The following FLI1 variants were observed in gnomAD, a reference collection of about 807,000 sequenced individuals.
FLI1 encodes Fli-1 proto-oncogene, ETS transcription factor, also known as Friend leukemia integration 1 transcription factor.
FLI1 carries 13 observed loss-of-function variants against 53.1 expected under a neutral mutation model. That is an observed-to-expected ratio of 0.24 (90% CI 0.16 to 0.39). FLI1 has a LOEUF of 0.39. FLI1 is among the 10% of genes least tolerant of loss of function. The pLI is 1.00. For synonymous variants in FLI1, 244 were observed against 236.7 expected, an observed-to-expected ratio of 1.03 and a Z score of -0.28; for missense variants, 424 against 600.5, an observed-to-expected ratio of 0.71 and a Z score of 3.07.
chr11:128,695,573 G>GT (rs896221113), intron 1 of FLI1, among the ~76,000 whole-genome samples: 12 of 152,026 alleles, frequency 7.9e-5, no homozygotes, highest in South Asian at 2.1e-4. Context: ...TATTTTCTAA[G>GT]TTTTTTTTAT....
chr11:128,811,150 A>C lies in FLI1; in HGVS notation c.*162A>C. The C allele has an allele frequency of 1.5e-6, 1 of 682,840 alleles. No homozygotes were observed. The highest frequency in any genetic ancestry group is 2.4e-6 in the Non-Finnish European group (1 of 411,274). 42.3% of individuals were successfully genotyped at this position (682,840 alleles called of 1,614,324 possible). On this transcript the variant is annotated 3_prime_UTR_variant, in exon 9 of 9. Transcript: ENST00000527786. Reference sequence around the variant, plus strand: ...TTTGTTCTTTAAAAACATTTTTTTTAATGTTGGTAACTTTTGCTTCCTCTA... The same window carrying C: ...TTTGTTCTTTAAAAACATTTTTTTTCATGTTGGTAACTTTTGCTTCCTCTA...
Position 128,810,333 on chromosome 11 carries a change from C to T in FLI1, c.830-126C>T, listed in dbSNP as rs1942904980. ...CATAAGAAGGGCTTGTCAAGTCGAT[C>T]CCAATGTCGAAGGAAACAAAAGGTT... On this transcript the variant is annotated intron_variant, in intron 8 of 8. Transcript: ENST00000527786. The surrounding 1 kb of genome is among the most constrained non-coding windows in gnomAD (Gnocchi z 6.6). The T allele has an allele frequency of 2.1e-6, 2 of 933,400 alleles. No homozygotes were observed. The highest frequency in any genetic ancestry group is 5.8e-5 in the Admixed American group (2 of 34,426). 57.8% of individuals were successfully genotyped at this position (933,400 alleles called of 1,614,324 possible). A position where few individuals can be genotyped will look rare whatever the true frequency, so the allele number is the denominator to read the frequency against.
Position 128,722,730 on chromosome 11 carries a change from C to G in FLI1, c.18+28454C>G, listed in dbSNP as rs1939304701. On this transcript the variant is annotated intron_variant, in intron 1 of 8. Transcript: ENST00000527786. ...GAGCTACTCAGATGAGGTAAAGTCC[C>G]TTTGGGAAAGCACAGAGCCTGGGGA... Among the ~76,000 whole-genome samples the G allele has an allele frequency of 2.6e-5, 4 of 152,278 alleles. 1 individual carries two copies. The highest frequency in any genetic ancestry group is 2.6e-4 in the Admixed American group (4 of 15,298).
chr11:128,688,105 AG>A (rs1937611347), intron 1 of FLI1, among the ~76,000 whole-genome samples: 1 of 152,106 alleles, frequency 6.6e-6, no homozygotes, highest in Admixed American at 6.5e-5. Flanking sequence ...CTCTGCACTG[AG>A]GATTGTAAAT....
chr11:128,773,830 A>C (rs1436354130), intron 4 of FLI1, among the ~76,000 whole-genome samples: 1 of 151,784 alleles, frequency 6.6e-6, no homozygotes, highest in Non-Finnish European at 1.5e-5. Flanking sequence ...GCCTGAAAAG[A>C]TGGTGCTAGG....
chr11:128,726,115 G>A (rs958466056), intron 1 of FLI1, among the ~76,000 whole-genome samples: 2 of 152,088 alleles, frequency 1.3e-5, no homozygotes, highest in Non-Finnish European at 2.9e-5. Flanking sequence ...CAGAACCCCC[G>A]AGGTCCGGTC....
At chr11:128,735,139 A>G (rs973993042) in intron 1 of FLI1, among the ~76,000 whole-genome samples, 3 of 152,252 alleles carry the variant, frequency 2.0e-5, no homozygotes, top group Non-Finnish European at 4.4e-5. Flanking sequence ...TAATTAAATA[A>G]GATTATAGAT....
chr11:128,739,370 G>A (rs933298702), intron 1 of FLI1, among the ~76,000 whole-genome samples: 1 of 152,180 alleles, frequency 6.6e-6, no homozygotes, highest in African/African-American at 2.4e-5. Flanking sequence ...GAGAAAGTAG[G>A]TAGAGAGGGA....
chr11:128,689,473 C>G (rs1937652586), upstream of FLI1, among the ~76,000 whole-genome samples: 1 of 152,166 alleles, frequency 6.6e-6, no homozygotes, highest in South Asian at 2.1e-4. Context: ...AGGCTGCATT[C>G]TGAGGGAGAT....
intron 1 of FLI1, among the ~76,000 whole-genome samples, chr11:128,754,093 A>G (rs973266964): frequency 6.6e-6 from 1 of 152,070 alleles, no homozygotes; most frequent in African/African-American, 2.4e-5. Flanking sequence ...TGGCTTTTCA[A>G]ATTCAGCCCA....
At chr11:128,787,454 T>C (rs1322855940) in intron 5 of FLI1, among the ~76,000 whole-genome samples, 1 of 152,188 alleles carries the variant, frequency 6.6e-6, no homozygotes, top group Non-Finnish European at 1.5e-5. Flanking sequence ...TCAGCATACT[T>C]GATTCAAGCA....
intron 1 of FLI1, among the ~76,000 whole-genome samples, chr11:128,746,658 A>G (rs1490830309): frequency 1.3e-5 from 2 of 152,168 alleles, no homozygotes; most frequent in African/African-American, 4.8e-5. Flanking sequence ...CCTGGCTCCC[A>G]GGCTACTATT....
In FLI1 at chr11:128,730,486, G is replaced by A. The variant is rs190179562; in HGVS notation, c.19-27629G>A. Among the ~76,000 whole-genome samples the A allele has an allele frequency of 4.1e-3, 631 of 152,304 alleles. 2 individuals carry two copies. Among genetic ancestry groups the A allele is most frequent in the African/African-American group, 0.014 (597 of 41,552 alleles). ...AACATGCATTCTATTCTAGAATGCT[G>A]ATAAATACACTGGCAGTCCCAGAAA... On this transcript the variant is annotated intron_variant, in intron 1 of 8. Coordinates refer to ENST00000527786, the MANE Select transcript of FLI1 (RefSeq NM_002017.5).
Position 128,810,900 on chromosome 11 carries a change from C to T in FLI1, c.1271C>T (p.Thr424Ile). The T allele has an allele frequency of 5.0e-6, 8 of 1,613,968 alleles. No homozygotes were observed. The highest frequency in any genetic ancestry group is 6.8e-6 in the Non-Finnish European group (8 of 1,179,834). Reference sequence around the variant, plus strand: ...TTTGGAGCCGCATCACAATACTGGACCTCCCCCACGGGGGGAATCTACCCC... The same window carrying T: ...TTTGGAGCCGCATCACAATACTGGATCTCCCCCACGGGGGGAATCTACCCC... ...SFFGAASQYW[T>I]SPTGGIYPNP... The change falls in exon 9 of 9, where the codon ACC becomes ATC. Residue 424 changes from threonine to isoleucine, a missense_variant. By Grantham distance (89) the Thr-to-Ile change is moderately conservative. Coordinates refer to ENST00000527786, the MANE Select transcript of FLI1 (RefSeq NM_002017.5). This position sits in a 1 kb window ranked among gnomAD's most constrained non-coding sequence, Gnocchi z 6.6.
chr11:128,777,834 G>A (rs1019865704), intron 4 of FLI1, among the ~76,000 whole-genome samples: 18 of 127,586 alleles, frequency 1.4e-4, no homozygotes, highest in African/African-American at 3.9e-4. Context: ...GCACTGGGAC[G>A]CTTGCGCCCC....
intron 2 of FLI1, among the ~76,000 whole-genome samples, chr11:128,766,965 C>T (rs1051584474): frequency 2.0e-5 from 3 of 152,036 alleles, no homozygotes; most frequent in African/African-American, 7.3e-5. Context: ...CTTGGCCTTC[C>T]CATCGTCTCC....
chr11:128,717,879 T>C lies in FLI1; in HGVS notation c.18+23603T>C, dbSNP rs192836180. On this transcript the variant is annotated intron_variant, in intron 1 of 8. Transcript: ENST00000527786. ...GAAATTGTGCTTCAAAAGAATGAGT[T>C]CTAGTCCCTGAATAGAGGAGCTCAC... Among the ~76,000 whole-genome samples the C allele has an allele frequency of 5.9e-5, 9 of 152,328 alleles. No homozygotes were observed. The East Asian group carries it at 1.3e-3, about 23-fold the overall frequency.
At position 128,811,083 on chromosome 11, in the gene FLI1, G is replaced by C; in HGVS notation, c.*95G>C. On this transcript the variant is annotated 3_prime_UTR_variant, in exon 9 of 9. Transcript: ENST00000527786. ...AGGACATATGTGGCCTTGAAGGGAA[G>C]ACAAAACTGGATGTTCTTTCTTGTT... is the stretch of plus-strand genomic sequence containing the variant. The C allele has an allele frequency of 8.9e-7, 1 of 1,126,856 alleles. No homozygotes were observed. Among genetic ancestry groups the C allele is most frequent in the Non-Finnish European group, 1.3e-6 (1 of 762,352 alleles). 69.8% of individuals were successfully genotyped at this position (1,126,856 alleles called of 1,614,324 possible).
At chr11:128,788,944 A>C (rs538696713) in intron 5 of FLI1, among the ~76,000 whole-genome samples, 4 of 152,220 alleles carry the variant, frequency 2.6e-5, no homozygotes, top group African/African-American at 7.2e-5. Flanking sequence ...CAGCTAAGTA[A>C]GTAAGGAACT....
Sources: gnomAD v4.1 joint callset for allele counts (sites outside exome capture counted in the v4.1 genomes callset) on GRCh38, gnomAD v4.1.1 for gene constraint, Gnocchi (gnomAD v3.1) non-coding constraint, MANE v1.5 for transcripts, NCBI Gene and HGNC (gene_info 2026-07-23, HGNC 2026-07-21) for gene names.